Variants in ALDH18A1 observed in about 807,000 individuals in gnomAD.
ALDH18A1 encodes aldehyde dehydrogenase 18 family member A1, also known as delta-1-pyrroline-5-carboxylate synthase.
ALDH18A1 carries 44 observed loss-of-function variants against 88.8 expected under a neutral mutation model. The observed-to-expected ratio is 0.50, with a 90% CI of 0.39 to 0.64. ALDH18A1 has a LOEUF of 0.64. Among genes scored for constraint, ALDH18A1 ranks in the 30% least tolerant of loss-of-function variants. ALDH18A1 has a pLI of 0.00. For synonymous variants in ALDH18A1, 331 were observed against 372.1 expected, an observed-to-expected ratio of 0.89 and a Z score of 1.27; for missense variants, 782 against 1,009.5, an observed-to-expected ratio of 0.77 and a Z score of 3.05.
At chr10:95,626,090 G>C (rs1289226465) in intron 10 of ALDH18A1, among the ~76,000 whole-genome samples, 1 of 152,198 alleles carries the variant, frequency 6.6e-6, no homozygotes, top group Admixed American at 6.5e-5. Flanking sequence ...TGAAAGGGAA[G>C]CTAGGCTCCT....
At chr10:95,649,474 C>T (rs1310779482) in intron 2 of ALDH18A1, among the ~76,000 whole-genome samples, 1 of 151,134 alleles carries the variant, frequency 6.6e-6, no homozygotes, top group Non-Finnish European at 1.5e-5. Flanking sequence ...CCTGCCTCAG[C>T]CTCCCAAGCA....
chr10:95,632,566 A>G (rs982881265), intron 7 of ALDH18A1, among the ~76,000 whole-genome samples: 8 of 152,052 alleles, frequency 5.3e-5, no homozygotes, highest in African/African-American at 1.9e-4. Flanking sequence ...GACTCACTAT[A>G]TTACCCAGGT....
At chr10:95,625,238 T>C in intron 11 of ALDH18A1, 124 bp downstream of exon 11, 2 of 867,540 alleles carry the variant, frequency 2.3e-6, no homozygotes, top group South Asian at 1.3e-5. Context: ...AAATGATACA[T>C]AATGTACAAT....
intron 17 of ALDH18A1, among the ~76,000 whole-genome samples, chr10:95,609,102 C>T (rs1333901957): frequency 6.6e-6 from 1 of 152,108 alleles, no homozygotes; most frequent in Non-Finnish European, 1.5e-5. Flanking sequence ...CTCCAACTCC[C>T]GGCCTCAGGT....
At chr10:95,620,804 G>T (rs572941950) in intron 12 of ALDH18A1, among the ~76,000 whole-genome samples, 20 of 151,650 alleles carry the variant, frequency 1.3e-4, no homozygotes, top group African/African-American at 3.9e-4. Context: ...GTGGGGGACT[G>T]GGGGAGGGAT....
chr10:95,649,797 C>T (rs2097907290), intron 2 of ALDH18A1, among the ~76,000 whole-genome samples: 1 of 152,036 alleles, frequency 6.6e-6, no homozygotes, highest in Non-Finnish European at 1.5e-5. Flanking sequence ...AGGAGAATCG[C>T]TTGAGCCTGG....
chr10:95,633,717 A>G lies in ALDH18A1; in HGVS notation c.559-68T>C, dbSNP rs74854609. Reference sequence around the variant, plus strand: ...CGCTAAACTTCCCAGTATACAAAAGACGCTAAGAGCAGGGGAGTTAAACTT... The same window carrying G: ...CGCTAAACTTCCCAGTATACAAAAGGCGCTAAGAGCAGGGGAGTTAAACTT... On this transcript the variant is annotated intron_variant, in intron 5 of 17. Coordinates refer to ENST00000371224, the MANE Select transcript of ALDH18A1 (RefSeq NM_002860.4). The G allele has an allele frequency of 5.4e-4, 838 of 1,565,460 alleles. 12 individuals are homozygous for G. In the East Asian group the frequency reaches 0.018, roughly 34 times the overall value.
intron 2 of ALDH18A1, among the ~76,000 whole-genome samples, chr10:95,652,351 C>A (rs911002348): frequency 6.6e-6 from 1 of 152,150 alleles, no homozygotes; most frequent in East Asian, 1.9e-4. Flanking sequence ...GTATAAGGGA[C>A]CTTTTTGTAC....
At chr10:95,624,658 ACT>A (rs1306300102) in intron 11 of ALDH18A1, among the ~76,000 whole-genome samples, 1 of 151,636 alleles carries the variant, frequency 6.6e-6, no homozygotes, top group African/African-American at 2.4e-5. Flanking sequence ...CAGGGCCCTG[ACT>A]CTCTACATGT....
intron 6 of ALDH18A1, 109 bp downstream of exon 6, chr10:95,633,382 C>T (rs1240521849): frequency 7.1e-7 from 1 of 1,414,212 alleles, no homozygotes; most frequent in Admixed American, 1.9e-5. Context: ...ACAAGTTTCT[C>T]TCACAACTTT....
rs199567537 is a variant in ALDH18A1, at chr10:95,653,292, G to A, written c.86C>T (p.Ser29Phe). ...CATAAGTTTTCTATGGTACATACGA[G>A]ATCTGAAGACGGTTGTACACTTGAC... is the stretch of plus-strand genomic sequence containing the variant. The part of the protein sequence containing the change: ...PWVKCTTVFR[S>F]HCIQPSVIRH... Residue 29 changes from serine (S) to phenylalanine (F), a missense_variant and splice_region_variant, in exon 2 of 18, where the codon TCT becomes TTT. Ser to Phe is a radical substitution (Grantham distance 155). Transcript: ENST00000371224. The A allele has an allele frequency of 4.8e-5, 78 of 1,610,470 alleles. No homozygotes were observed. The East Asian group carries it at 1.7e-3, about 35-fold the overall frequency.
intron 7 of ALDH18A1, among the ~76,000 whole-genome samples, chr10:95,629,796 A>G (rs758970074): frequency 2.6e-5 from 4 of 152,216 alleles, no homozygotes; most frequent in Non-Finnish European, 5.9e-5. Flanking sequence ...ATCAACACTC[A>G]GTAGAAAATG....
chr10:95,617,601 A>G (rs1358936871), intron 12 of ALDH18A1, among the ~76,000 whole-genome samples: 2 of 152,236 alleles, frequency 1.3e-5, no homozygotes, highest in Non-Finnish European at 2.9e-5. Flanking sequence ...AGAGTGAGTG[A>G]CACTGACCTG....
rs75576572 is a variant in ALDH18A1, at chr10:95,633,200, C to A, written c.718-151G>T. The A allele has an allele frequency of 2.2e-3, 1,675 of 773,910 alleles. 20 individuals are homozygous for A. The African/African-American group carries it at 0.025, about 12-fold the overall frequency. The allele number at this position is 773,910 out of a possible 1,614,324, so 47.9% of individuals were successfully genotyped here. ...TGTAGATGACGGCTCTTGCAGGCCC[C>A]TTCTGTCTGCAGAACACACTGTCTA... On this transcript the variant is annotated intron_variant, in intron 6 of 17. Transcript: ENST00000371224.
intron 6 of ALDH18A1, among the ~76,000 whole-genome samples, 196 bp downstream of exon 6, chr10:95,633,295 T>C (rs959517189): frequency 2.0e-5 from 3 of 152,176 alleles, no homozygotes; most frequent in African/African-American, 7.2e-5. Context: ...CATCGCACCA[T>C]CTTCAGTGAC....
At chr10:95,622,391 G>A (rs971393648) in intron 11 of ALDH18A1, among the ~76,000 whole-genome samples, 5 of 152,040 alleles carry the variant, frequency 3.3e-5, no homozygotes, top group East Asian at 1.9e-4. Context: ...GTAGAGATAG[G>A]GGGTCTCACT....
At chr10:95,640,050 A>T (rs1030297377) in intron 3 of ALDH18A1, among the ~76,000 whole-genome samples, 2 of 152,124 alleles carry the variant, frequency 1.3e-5, no homozygotes, top group African/African-American at 4.8e-5. Context: ...AAGATCCATT[A>T]TTCCATTAGG....
At chr10:95,652,552 A>G (rs990202529) in intron 2 of ALDH18A1, among the ~76,000 whole-genome samples, 1 of 152,156 alleles carries the variant, frequency 6.6e-6, no homozygotes. Context: ...CCTGGCCAAC[A>G]TGGCGAAACC....
chr10:95,609,836 C>T (rs1281565414), intron 17 of ALDH18A1, among the ~76,000 whole-genome samples: 9 of 135,522 alleles, frequency 6.6e-5, no homozygotes, highest in Middle Eastern at 9.5e-3. Context: ...AGCGTAATCT[C>T]GGGCTCACCG....
Sources: gnomAD v4.1 joint callset for allele counts (sites outside exome capture counted in the v4.1 genomes callset) on GRCh38, gnomAD v4.1.1 for gene constraint, MANE v1.5 for transcripts, NCBI Gene and HGNC (gene_info 2026-07-23, HGNC 2026-07-21) for gene names.